SLIT2: variants seen among roughly 807,000 people sequenced by gnomAD.
The protein encoded by SLIT2 is slit homolog 2 protein.
A neutral mutation model predicts 185.7 loss-of-function variants in SLIT2; 41 were observed. The ratio of observed to expected loss-of-function variants is 0.22; its 90% CI spans 0.17 to 0.29. The LOEUF is 0.29. SLIT2 is among the 10% of genes least tolerant of loss of function. The probability of loss-of-function intolerance (pLI) is 1.00; values close to 1 mark genes in which losing one functional copy is unlikely to be tolerated. For missense variants in SLIT2, 1,571 were observed against 1,909.0 expected, an observed-to-expected ratio of 0.82 and a Z score of 3.30; for synonymous variants, 693 against 680.2, an observed-to-expected ratio of 1.02 and a Z score of -0.29.
chr4:20,424,801 ATC>A, intron 4 of SLIT2, among the ~76,000 whole-genome samples: 1 of 152,048 alleles, frequency 6.6e-6, no homozygotes, highest in South Asian at 2.1e-4. Flanking sequence ...TTTTGTTTTC[ATC>A]TCTATATATC....
At chr4:20,391,233 T>C (rs187648376) in intron 4 of SLIT2, among the ~76,000 whole-genome samples, 23 of 152,114 alleles carry the variant, frequency 1.5e-4, no homozygotes, top group African/African-American at 5.3e-4. Context: ...GATAACCTGA[T>C]AGTTTTTAAA....
intron 3 of SLIT2, among the ~76,000 whole-genome samples, chr4:20,259,031 TA>T (rs1712160451): frequency 6.6e-6 from 1 of 151,640 alleles, no homozygotes; most frequent in Non-Finnish European, 1.5e-5. Context: ...TCACCTCAAG[TA>T]AAACACAGAA....
At chr4:20,442,843 A>G (rs1023227644) in intron 4 of SLIT2, among the ~76,000 whole-genome samples, 12 of 152,120 alleles carry the variant, frequency 7.9e-5, no homozygotes, top group African/African-American at 2.7e-4. Flanking sequence ...TCTACTTAAT[A>G]TGTTTCTACG....
chr4:20,498,063 C>G (rs1718394091), intron 9 of SLIT2, among the ~76,000 whole-genome samples: 1 of 152,092 alleles, frequency 6.6e-6, no homozygotes, highest in Admixed American at 6.6e-5. Flanking sequence ...GTCCCAGCTA[C>G]TTGGGAGGCT....
chr4:20,378,465 T>C (rs1218580653), intron 4 of SLIT2, among the ~76,000 whole-genome samples: 1 of 152,166 alleles, frequency 6.6e-6, no homozygotes, highest in Non-Finnish European at 1.5e-5. Flanking sequence ...TAAGGATTAC[T>C]CATGGAGTTT....
At chr4:20,393,935 G>A (rs909724861) in intron 4 of SLIT2, among the ~76,000 whole-genome samples, 2 of 152,158 alleles carry the variant, frequency 1.3e-5, no homozygotes, top group Non-Finnish European at 2.9e-5. Context: ...ATAGCCAGCA[G>A]TGCTGAATCA....
chr4:20,477,922 C>G (rs1440557271), intron 5 of SLIT2, among the ~76,000 whole-genome samples: 1 of 152,178 alleles, frequency 6.6e-6, no homozygotes, highest in Non-Finnish European at 1.5e-5. Flanking sequence ...AGAACAGATC[C>G]TTTCCTGTTT....
chr4:20,490,858 T>G, intron 8 of SLIT2: 1 of 1,453,220 alleles, frequency 6.9e-7, no homozygotes, highest in African/African-American at 1.4e-5. Flanking sequence ...TTTTTGTAGT[T>G]TAAGAGCTTG....
chr4:20,362,359 A>G (rs570310621), intron 4 of SLIT2, among the ~76,000 whole-genome samples: 61 of 152,250 alleles, frequency 4.0e-4, no homozygotes, highest in African/African-American at 1.2e-3. Context: ...GAACCTGACA[A>G]GGATACCTCG....
At chr4:20,563,579 T>C (rs545700901) in intron 26 of SLIT2, among the ~76,000 whole-genome samples, 170 of 151,744 alleles carry the variant, frequency 1.1e-3, no homozygotes, top group Non-Finnish European at 2.0e-3. Flanking sequence ...CCCACTTCTA[T>C]TTCCCATGGG....
chr4:20,615,238 A>T (rs1055760660), intron 34 of SLIT2: 2 of 152,188 alleles, frequency 1.3e-5, no homozygotes, highest in African/African-American at 4.8e-5. Flanking sequence ...TTTCCTGGAA[A>T]TGGTAAGTTT....
intron 4 of SLIT2, among the ~76,000 whole-genome samples, chr4:20,294,639 G>A (rs1442876670): frequency 2.0e-5 from 3 of 152,138 alleles, no homozygotes; most frequent in Non-Finnish European, 2.9e-5. Flanking sequence ...ACACTTTTAC[G>A]AGAAGTTATA....
intron 17 of SLIT2, 27 bp downstream of exon 17, chr4:20,532,085 T>TTC (rs1553827256): frequency 1.5e-6 from 2 of 1,368,148 alleles, no homozygotes; most frequent in Non-Finnish European, 2.0e-6. Context: ...CTATTTTTTT[T>TTC]ATTTCTGTAG....
intron 4 of SLIT2, among the ~76,000 whole-genome samples, chr4:20,372,936 A>G (rs1167525622): frequency 6.6e-6 from 1 of 152,118 alleles, no homozygotes; most frequent in Non-Finnish European, 1.5e-5. Flanking sequence ...AAAGAAACCA[A>G]CAGATATGAG....
chr4:20,537,651 T>A (rs1192526880), intron 18 of SLIT2, among the ~76,000 whole-genome samples: 1 of 152,168 alleles, frequency 6.6e-6, no homozygotes, highest in Non-Finnish European at 1.5e-5. Flanking sequence ...GACTCCCTCC[T>A]TAATCTAGTT....
Position 20,484,779 on chromosome 4 carries a change from G to A in SLIT2, c.540-1421G>A, listed in dbSNP as rs1420634083. 6.6e-6 allele frequency among the ~76,000 whole-genome samples: 1 copy of A among 152,122 alleles called. No individual in the cohort carries two copies. Among genetic ancestry groups the A allele is most frequent in the East Asian group, 1.9e-4 (1 of 5,200 alleles). ...ATCTCTAGCTTCCCTTGGAAAATCT[G>A]ATTGTTTGACAGCCCTCCCTTACAG... On this transcript the variant is annotated intron_variant, in intron 6 of 36. Transcript: ENST00000504154. The surrounding 1 kb of genome is among the most constrained non-coding windows in gnomAD (Gnocchi z 4.3).
At chr4:20,272,763 T>TAAAC (rs1162893944) in intron 4 of SLIT2, among the ~76,000 whole-genome samples, 1 of 152,118 alleles carries the variant, frequency 6.6e-6, no homozygotes, top group Non-Finnish European at 1.5e-5. Context: ...AAACCAAAAC[T>TAAAC]AAACAAACAA....
In SLIT2 at chr4:20,494,640, G is replaced by A. The variant is rs150709411; in HGVS notation, c.914+2741G>A. Among the ~76,000 whole-genome samples the A allele has an allele frequency of 7.9e-3, 1,206 of 152,014 alleles. 12 individuals carry two copies. The highest frequency in any genetic ancestry group is 0.012 in the Non-Finnish European group (837 of 67,962). Reference sequence around the variant, plus strand: ...AAAATACAACAAAAATTAGCCGGGCGTGGTCGTGGATGCCTGTAGTCTCAT... The same window carrying A: ...AAAATACAACAAAAATTAGCCGGGCATGGTCGTGGATGCCTGTAGTCTCAT... On this transcript the variant is annotated intron_variant, in intron 9 of 36. Coordinates refer to ENST00000504154, the MANE Select transcript of SLIT2 (RefSeq NM_004787.4).
At chr4:20,315,206 A>G (rs1255272854) in intron 4 of SLIT2, among the ~76,000 whole-genome samples, 1 of 152,120 alleles carries the variant, frequency 6.6e-6, no homozygotes, top group Non-Finnish European at 1.5e-5. Context: ...ACATTTCAAG[A>G]CAAAAGTACC....
Sources: allele counts gnomAD v4.1 joint callset (sites outside exome capture counted in the v4.1 genomes callset), GRCh38; gene constraint gnomAD v4.1.1; non-coding constraint Gnocchi (gnomAD v3.1); transcripts MANE v1.5; gene names NCBI Gene and HGNC (gene_info 2026-07-23, HGNC 2026-07-21).